Variants in CDH13 observed in about 807,000 individuals in gnomAD.
CDH13 encodes cadherin 13.
Under a neutral mutation model 63.8 loss-of-function variants are expected in CDH13, and 24 were observed. The ratio of observed to expected loss-of-function variants is 0.38; its 90% CI spans 0.27 to 0.53. CDH13 has a LOEUF of 0.53. Ranked by LOEUF, CDH13 falls within the 20% of genes least tolerant of loss-of-function variation. The pLI is 0.85. For synonymous variants in CDH13, 503 were observed against 355.3 expected (o/e 1.42, Z -4.67); for missense variants, 1,049 against 903.1 (o/e 1.16, Z -2.07).
chr16:83,191,392 A>G (rs566098842), intron 4 of CDH13, among the ~76,000 whole-genome samples: 2 of 146,036 alleles, frequency 1.4e-5, no homozygotes, highest in Non-Finnish European at 3.0e-5. Flanking sequence ...CTCATCATCA[A>G]ATAAATTAGA....
chr16:83,743,569 C>G (rs779322786), intron 10 of CDH13, among the ~76,000 whole-genome samples: 2 of 152,110 alleles, frequency 1.3e-5, no homozygotes, highest in African/African-American at 2.4e-5. Context: ...GTACGCCAAA[C>G]ATGAAAGCCA....
At chr16:83,714,600 C>T (rs1011470256) in intron 10 of CDH13, among the ~76,000 whole-genome samples, 1 of 152,158 alleles carries the variant, frequency 6.6e-6, no homozygotes, top group Non-Finnish European at 1.5e-5. Context: ...TCTCAGCTAT[C>T]AGTAGGAGGG....
chr16:83,212,035 G>T (rs1261705734), intron 4 of CDH13, among the ~76,000 whole-genome samples: 5 of 152,158 alleles, frequency 3.3e-5, no homozygotes, highest in African/African-American at 1.2e-4. Flanking sequence ...CAACAGTCGA[G>T]ACTCGTGGCA....
chr16:83,235,217 A>G (rs1261465045), intron 5 of CDH13, among the ~76,000 whole-genome samples: 1 of 152,142 alleles, frequency 6.6e-6, no homozygotes, highest in Non-Finnish European at 1.5e-5. Flanking sequence ...AAAAGTACAT[A>G]CACACATATA....
chr16:82,839,949 A>G (rs2038936579), intron 1 of CDH13, among the ~76,000 whole-genome samples: 1 of 152,216 alleles, frequency 6.6e-6, no homozygotes, highest in African/African-American at 2.4e-5. Flanking sequence ...CTTGGGTTGA[A>G]AATATCCAAA....
intron 2 of CDH13, among the ~76,000 whole-genome samples, chr16:83,001,771 C>A (rs1912961645): frequency 6.6e-6 from 1 of 152,110 alleles, no homozygotes; most frequent in South Asian, 2.1e-4. Flanking sequence ...GTCAATGAGT[C>A]CTGTCCAGGT....
chr16:83,286,206 T>A (rs562836165), intron 5 of CDH13, among the ~76,000 whole-genome samples: 1 of 152,160 alleles, frequency 6.6e-6, no homozygotes, highest in Non-Finnish European at 1.5e-5. Flanking sequence ...AGGACCTGGG[T>A]GGACCTTCAC....
intron 5 of CDH13, among the ~76,000 whole-genome samples, chr16:83,296,810 G>A (rs949178268): frequency 5.9e-5 from 9 of 152,194 alleles, no homozygotes; most frequent in East Asian, 3.8e-4. Context: ...AATAACACGG[G>A]TTTATGTAAT....
rs1030151259 is a variant in CDH13 at position 82,665,694 on chromosome 16, C to G, written c.45+38557C>G. On this transcript the variant is annotated intron_variant, in intron 1 of 13. Transcript: ENST00000567109. ...ATGCCTCAACTCTGCTTGGACTCTG[C>G]CCAACTCCAGACAGGGACAATGTGA... Among the ~76,000 whole-genome samples the G allele has an allele frequency of 2.0e-5, 3 of 151,990 alleles. No homozygotes were observed. In the East Asian group the frequency reaches 5.8e-4, roughly 30 times the overall value.
chr16:83,257,372 G>A (rs1215067308), intron 5 of CDH13, among the ~76,000 whole-genome samples: 1 of 152,102 alleles, frequency 6.6e-6, no homozygotes, highest in Non-Finnish European at 1.5e-5. Flanking sequence ...TATATAAGGA[G>A]TATTCAAGCA....
intron 5 of CDH13, among the ~76,000 whole-genome samples, chr16:83,303,611 TC>T (rs2089801600): frequency 6.6e-6 from 1 of 151,850 alleles, no homozygotes; most frequent in Admixed American, 6.5e-5. Flanking sequence ...GGCCATTTGT[TC>T]CTTTTGCTGG....
intron 1 of CDH13, among the ~76,000 whole-genome samples, chr16:82,693,438 C>T (rs997883456): frequency 1.3e-5 from 2 of 152,206 alleles, no homozygotes; most frequent in African/African-American, 2.4e-5. Context: ...AAGCAACATC[C>T]TCAGGAAGAC....
intron 6 of CDH13, among the ~76,000 whole-genome samples, chr16:83,480,850 A>G (rs889313794): frequency 6.6e-6 from 1 of 152,230 alleles, no homozygotes; most frequent in Non-Finnish European, 1.5e-5. Flanking sequence ...CCAAAATGCT[A>G]GAATTTAAAA....
chr16:82,840,695 A>AG (rs2038972475), intron 1 of CDH13, among the ~76,000 whole-genome samples: 3 of 151,912 alleles, frequency 2.0e-5, no homozygotes, highest in Admixed American at 2.0e-4. Context: ...AAAAAAAAAA[A>AG]AAAAAAAGAA....
chr16:82,986,902 A>G (rs1347653930), intron 2 of CDH13, among the ~76,000 whole-genome samples: 3 of 152,222 alleles, frequency 2.0e-5, no homozygotes, highest in Non-Finnish European at 2.9e-5. Context: ...TGTGTAGGAC[A>G]GACTCACCTG....
At chr16:83,495,082 A>T (rs1360405234) in intron 7 of CDH13, among the ~76,000 whole-genome samples, 1 of 152,220 alleles carries the variant, frequency 6.6e-6, no homozygotes, top group Non-Finnish European at 1.5e-5. Context: ...GTCAAACTCT[A>T]TAAAATTTGA....
chr16:82,652,396 C>G (rs1433651834), intron 1 of CDH13, among the ~76,000 whole-genome samples: 4 of 152,208 alleles, frequency 2.6e-5, no homozygotes, highest in Non-Finnish European at 5.9e-5. Flanking sequence ...GGAACGACCT[C>G]TCGTTATATA....
intron 13 of CDH13, among the ~76,000 whole-genome samples, chr16:83,791,540 G>T (rs529265146): frequency 6.6e-6 from 1 of 151,424 alleles, no homozygotes; most frequent in East Asian, 2.0e-4. Flanking sequence ...TGGCTGGGTG[G>T]GGTGGCTCAT....
At chr16:83,350,542 G>T (rs1357263764) in intron 6 of CDH13, among the ~76,000 whole-genome samples, 2 of 126,800 alleles carry the variant, frequency 1.6e-5, no homozygotes, top group African/African-American at 7.8e-5. Flanking sequence ...TCTCTTTCCT[G>T]TCTTAGTCCC....
Sources: allele counts gnomAD v4.1 joint callset (sites outside exome capture counted in the v4.1 genomes callset), GRCh38; gene constraint gnomAD v4.1.1; transcripts MANE v1.5; gene names NCBI Gene and HGNC (gene_info 2026-07-23, HGNC 2026-07-21).